Variants in SLC1A1 observed in about 807,000 individuals in gnomAD.
SLC1A1 encodes excitatory amino acid transporter 3.
A neutral mutation model predicts 53.3 loss-of-function variants in SLC1A1; 43 were observed. The ratio of observed to expected loss-of-function variants is 0.81; its 90% CI spans 0.63 to 1.04. SLC1A1 has a LOEUF of 1.04. Ranked by LOEUF, SLC1A1 falls within the 50% of genes least tolerant of loss-of-function variation. SLC1A1 has a pLI of 0.00. For synonymous variants in SLC1A1, 307 were observed against 243.2 expected, an observed-to-expected ratio of 1.26 and a Z score of -2.44; for missense variants, 748 against 664.9, an observed-to-expected ratio of 1.12 and a Z score of -1.37.
intron 2 of SLC1A1, among the ~76,000 whole-genome samples, chr9:4,552,309 TG>T (rs1586766390): frequency 1.3e-5 from 2 of 152,182 alleles, no homozygotes; most frequent in East Asian, 1.9e-4. Flanking sequence ...AAGCACTTTC[TG>T]GGAATGAGGT....
chr9:4,576,547 CCTTT>C lies in SLC1A1; in HGVS notation c.999-19_999-16del. ...GGTCCAGCATTTCTAGACATAAGTT[CCTTT>C]CTATTTTTATCACACAGTTCAGCAA... On this transcript the variant is annotated intron_variant, in intron 9 of 11. Transcript: ENST00000262352. 6.2e-7 allele frequency: 1 copy of C among 1,605,870 alleles called. No individual in the cohort carries two copies. Among genetic ancestry groups the C allele is most frequent in the Non-Finnish European group, 8.5e-7 (1 of 1,172,480 alleles).
intron 1 of SLC1A1, among the ~76,000 whole-genome samples, chr9:4,501,781 A>C (rs1273233722): frequency 6.6e-6 from 1 of 151,694 alleles, no homozygotes; most frequent in Non-Finnish European, 1.5e-5. Context: ...AAAACAAAAC[A>C]AAACAAAACA....
At chr9:4,557,249 C>T (rs1054918195) in intron 2 of SLC1A1, among the ~76,000 whole-genome samples, 1 of 152,246 alleles carries the variant, frequency 6.6e-6, no homozygotes, top group African/African-American at 2.4e-5. Context: ...TCAGGCCTTA[C>T]AGCCATATGA....
intron 1 of SLC1A1, among the ~76,000 whole-genome samples, chr9:4,500,008 A>G (rs1298130109): frequency 1.3e-5 from 2 of 152,326 alleles, no homozygotes; most frequent in East Asian, 1.9e-4. Context: ...ACTTGCTTAT[A>G]AAGAGAGAAA....
At chr9:4,531,427 A>C (rs898988339) in intron 1 of SLC1A1, among the ~76,000 whole-genome samples, 13 of 152,314 alleles carry the variant, frequency 8.5e-5, no homozygotes, top group Non-Finnish European at 1.0e-4. Flanking sequence ...CCTGGCTCAG[A>C]GGGTCCTACG....
chr9:4,511,596 C>CACT (rs1821002630), intron 1 of SLC1A1, among the ~76,000 whole-genome samples: 1 of 151,128 alleles, frequency 6.6e-6, no homozygotes, highest in African/African-American at 2.4e-5. Flanking sequence ...CACACACACA[C>CACT]ACACTACACT....
rs1043672031 is a variant in SLC1A1, at chr9:4,562,259, A to T, written c.325+718A>T. 3.3e-5 allele frequency among the ~76,000 whole-genome samples: 5 copies of T among 151,138 alleles called. No individual in the cohort carries two copies. The South Asian group carries it at 1.1e-3, about 32-fold the overall frequency. ...GCTAATTTTTGTATTTTTTAAATAG[A>T]GACAGGGTTTCACCATGTTGGCCAG... On this transcript the variant is annotated intron_variant, in intron 3 of 11. Transcript: ENST00000262352.
At position 4,583,590 on chromosome 9, in the gene SLC1A1, C is replaced by T. The variant is rs1218874673; in HGVS notation, c.1328+418C>T. Among the ~76,000 whole-genome samples the T allele has an allele frequency of 1.3e-5, 2 of 152,158 alleles. No individual in the cohort carries two copies. Among genetic ancestry groups the T allele is most frequent in the Non-Finnish European group, 2.9e-5 (2 of 68,020 alleles). Reference sequence around the variant, plus strand: ...TTCCGAACCATCAGGGACAGTGGCACAAGCACTTGGGTTTGAATCTCCGTC... The same window carrying T: ...TTCCGAACCATCAGGGACAGTGGCATAAGCACTTGGGTTTGAATCTCCGTC... On this transcript the variant is annotated intron_variant, in intron 11 of 11. Coordinates refer to ENST00000262352, the MANE Select transcript of SLC1A1 (RefSeq NM_004170.6). The surrounding 1 kb of genome is among the most constrained non-coding windows in gnomAD (Gnocchi z 4.6).
intron 6 of SLC1A1, among the ~76,000 whole-genome samples, chr9:4,571,089 G>A (rs892427226): frequency 6.6e-6 from 1 of 152,106 alleles, no homozygotes; most frequent in East Asian, 1.9e-4. Context: ...AAGGGACACG[G>A]ATGGAGCTAG....
intron 1 of SLC1A1, among the ~76,000 whole-genome samples, chr9:4,497,579 A>G (rs1248237198): frequency 6.6e-6 from 1 of 152,174 alleles, no homozygotes; most frequent in African/African-American, 2.4e-5. Flanking sequence ...TAAAGCTTAA[A>G]TCAAACTCTA....
chr9:4,504,157 T>A (rs1820725311), intron 1 of SLC1A1, among the ~76,000 whole-genome samples: 1 of 151,888 alleles, frequency 6.6e-6, no homozygotes, highest in South Asian at 2.1e-4. Context: ...GATCTCCAGA[T>A]AATTCTCTGG....
rs192389004 is a variant in SLC1A1, at chr9:4,564,138, G to A, written c.326-206G>A. On this transcript the variant is annotated intron_variant, in intron 3 of 11. Transcript: ENST00000262352. The stretch of plus-strand genomic sequence containing the variant: ...ACACGCACGCACGCAAGCACATGGA[G>A]TTCTTTCTGCTTACTCATTTAAATG... Among the ~76,000 whole-genome samples, 264 of 152,244 alleles carry A rather than the reference G, an allele frequency of 1.7e-3. 4 individuals are homozygous for A. Among genetic ancestry groups the A allele is most frequent in the Non-Finnish European group, 8.7e-4 (59 of 68,034 alleles).
At chr9:4,509,186 C>T (rs1273068231) in intron 1 of SLC1A1, among the ~76,000 whole-genome samples, 1 of 151,968 alleles carries the variant, frequency 6.6e-6, no homozygotes, top group Non-Finnish European at 1.5e-5. Flanking sequence ...AGCATGTAAA[C>T]AAAAAAGCAT....
Position 4,560,772 on chromosome 9 carries a change from G to A in SLC1A1, c.233-677G>A, listed in dbSNP as rs574380875. Among the ~76,000 whole-genome samples, 78 of 152,138 alleles carry A rather than the reference G, an allele frequency of 5.1e-4. No homozygotes were observed. The Middle Eastern group carries it at 0.01, about 20-fold the overall frequency. On this transcript the variant is annotated intron_variant, in intron 2 of 11. Coordinates refer to ENST00000262352, the MANE Select transcript of SLC1A1 (RefSeq NM_004170.6). ...AGCACTTTGGGAGGCCAAGGTTGTG[G>A]ATCACCTGAGGTCAGGAGTTCGAGA...
chr9:4,573,494 C>T (rs1294593034), intron 7 of SLC1A1, among the ~76,000 whole-genome samples: 3 of 152,136 alleles, frequency 2.0e-5, no homozygotes, highest in Non-Finnish European at 4.4e-5. Flanking sequence ...AATACTATCG[C>T]CTCTATTGCT....
chr9:4,580,108 G>A (rs1820914532), intron 10 of SLC1A1, among the ~76,000 whole-genome samples: 1 of 152,070 alleles, frequency 6.6e-6, no homozygotes, highest in Non-Finnish European at 1.5e-5. Context: ...GCATGTGCCT[G>A]TAGTCCCAGC....
intron 1 of SLC1A1, among the ~76,000 whole-genome samples, chr9:4,506,969 C>T (rs183240739): frequency 3.5e-4 from 53 of 152,238 alleles, no homozygotes; most frequent in African/African-American, 1.1e-3. Flanking sequence ...CAGTGGCTCA[C>T]GCCTGTAATC....
intron 6 of SLC1A1, among the ~76,000 whole-genome samples, chr9:4,570,109 A>C (rs1222618155): frequency 2.6e-5 from 4 of 152,072 alleles, no homozygotes; most frequent in Non-Finnish European, 5.9e-5. Flanking sequence ...CTGGCTGCTG[A>C]TTCCTCAGCC....
chr9:4,516,932 T>A (rs778658109), intron 1 of SLC1A1, among the ~76,000 whole-genome samples: 1 of 152,164 alleles, frequency 6.6e-6, no homozygotes, highest in Non-Finnish European at 1.5e-5. Flanking sequence ...GCCAAACTAC[T>A]GACTGAACAC....
Sources: gnomAD v4.1 joint callset for allele counts (sites outside exome capture counted in the v4.1 genomes callset) on GRCh38, gnomAD v4.1.1 for gene constraint, Gnocchi (gnomAD v3.1) non-coding constraint, MANE v1.5 for transcripts, NCBI Gene and HGNC (gene_info 2026-07-23, HGNC 2026-07-21) for gene names.